PCDHA11: variants seen among roughly 807,000 people sequenced by gnomAD.
PCDHA11 encodes the protein protocadherin alpha-11.
Under a neutral mutation model 70.3 loss-of-function variants are expected in PCDHA11, and 61 were observed. The ratio of observed to expected loss-of-function variants is 0.87; its 90% CI spans 0.71 to 1.07. PCDHA11 has a LOEUF of 1.07. PCDHA11 is among the 50% of genes least tolerant of loss of function. The pLI, the probability that PCDHA11 is intolerant of heterozygous loss-of-function variation, is 0.00. For synonymous variants in PCDHA11, 633 were observed against 555.1 expected, an observed-to-expected ratio of 1.14 and a Z score of -1.97; for missense variants, 1,324 against 1,237.5, an observed-to-expected ratio of 1.07 and a Z score of -1.05.
At chr5:140,872,425 G>A (rs1280008446) in intron 1 of PCDHA11, among the ~76,000 whole-genome samples, 3 of 151,980 alleles carry the variant, frequency 2.0e-5, no homozygotes, top group African/African-American at 7.3e-5. Flanking sequence ...CCAAGAGTTC[G>A]AGGCCTGCCT....
At chr5:141,003,762 G>A (rs1295345972) in intron 3 of PCDHA11, among the ~76,000 whole-genome samples, 1 of 152,146 alleles carries the variant, frequency 6.6e-6, no homozygotes, top group East Asian at 1.9e-4. Flanking sequence ...AATTATGGTC[G>A]TATTCTGTTA....
chr5:141,003,370 G>A (rs192935173), intron 3 of PCDHA11, among the ~76,000 whole-genome samples: 1 of 152,262 alleles, frequency 6.6e-6, no homozygotes, highest in East Asian at 1.9e-4. Context: ...GGAGTGCAGT[G>A]GTGCAATCTC....
In PCDHA11 at chr5:140,871,306, A is replaced by T. The variant is rs782244596; in HGVS notation, c.2203A>T (p.Lys735Ter). The T allele has an allele frequency of 3.7e-6, 6 of 1,613,964 alleles. No homozygotes were observed. In the East Asian group the frequency reaches 1.3e-4, roughly 36 times the overall value. ...CACTGAGGGCGCGTGCGCGCCGGGG[A>T]AGCCCACGCTGGTGTGCTCCCGCGC... ...TPTEGACAPGKPTLVCSRAVG... is the reference protein window; with the variant it reads ...TPTEGACAPG Residue 735 changes from lysine to a stop codon, truncating the protein, a stop_gained, in exon 1 of 4, where the codon AAG becomes TAG. Transcript: ENST00000398640. LOFTEE classifies it high-confidence loss of function.
At chr5:140,967,249 G>A (rs782040791) in intron 1 of PCDHA11, 1 of 1,613,592 alleles carries the variant, frequency 6.2e-7, no homozygotes, top group Non-Finnish European at 8.5e-7. Context: ...GCGAATCGGT[G>A]GCGCCTGGAG....
chr5:140,986,173 C>G (rs1459755039), intron 3 of PCDHA11, among the ~76,000 whole-genome samples: 1 of 152,202 alleles, frequency 6.6e-6, no homozygotes, highest in Non-Finnish European at 1.5e-5. Flanking sequence ...GCAGGATAAA[C>G]AAGTCAGGCA....
intron 3 of PCDHA11, among the ~76,000 whole-genome samples, chr5:141,000,385 C>A (rs868983393): frequency 3.1e-5 from 2 of 64,984 alleles, no homozygotes; most frequent in South Asian, 5.2e-4. Flanking sequence ...CTCTCTCTCT[C>A]TCTCTCTCTC....
chr5:140,883,433 T>G lies in PCDHA11; in HGVS notation c.2391+11939T>G, dbSNP rs201972709. 38 of 1,614,170 alleles carry G rather than the reference T, an allele frequency of 2.4e-5. No individual in the cohort carries two copies. In the East Asian group the frequency reaches 7.8e-4, roughly 33 times the overall value. ...CTCAAATGGACAGGTCACCTGCACC[T>G]TGACGCCGCATGTCCCCTTCAAGCT... On this transcript the variant is annotated intron_variant, in intron 1 of 3. Transcript: ENST00000398640.
intron 1 of PCDHA11, among the ~76,000 whole-genome samples, chr5:140,921,475 A>G (rs1323812887): frequency 6.6e-6 from 1 of 152,074 alleles, no homozygotes; most frequent in Non-Finnish European, 1.5e-5. Context: ...CTACCAAACC[A>G]CTCTACCTGA....
chr5:140,955,922 GTTCA>G (rs1413540621), intron 1 of PCDHA11, among the ~76,000 whole-genome samples: 2 of 152,138 alleles, frequency 1.3e-5, no homozygotes, highest in African/African-American at 4.8e-5. Flanking sequence ...GTGAATGGGA[GTTCA>G]TTCATAATAT....
At position 141,007,395 on chromosome 5, in the gene PCDHA11, C is replaced by CA. The variant is rs35800918; in HGVS notation, c.2540-2209dup. 5.3e-3 allele frequency among the ~76,000 whole-genome samples: 498 copies of CA among 94,810 alleles called. 4 individuals carry two copies. The highest frequency in any genetic ancestry group is 0.049 in the East Asian group (166 of 3,398). 62.2% of individuals were successfully genotyped at this position (94,810 alleles called of 152,430 possible). On this transcript the variant is annotated intron_variant, in intron 3 of 3. Transcript: ENST00000398640. The stretch of plus-strand genomic sequence containing the variant: ...ATGGAACACCATCTCTACTAAAATA[C>CA]AAAAAAAAAAAAAAAAAAAAAAATT...
intron 3 of PCDHA11, among the ~76,000 whole-genome samples, chr5:141,007,033 T>C (rs1357363669): frequency 6.6e-6 from 1 of 152,120 alleles, no homozygotes; most frequent in Non-Finnish European, 1.5e-5. Flanking sequence ...GGTATTTATA[T>C]CTATGGATAT....
At chr5:140,988,942 G>C (rs1236805502) in intron 3 of PCDHA11, 1 of 152,180 alleles carries the variant, frequency 6.6e-6, no homozygotes, top group East Asian at 1.9e-4. Context: ...CTCTTAGGCT[G>C]CAGTTTCCTT....
At chr5:140,982,359 C>T in intron 2 of PCDHA11, 116 bp from the exon 3 acceptor site, 1 of 1,523,712 alleles carries the variant, frequency 6.6e-7, no homozygotes. Context: ...CAAGCATGAG[C>T]AGAATGTGTT....
chr5:140,990,524 G>T (rs782064217), intron 3 of PCDHA11, among the ~76,000 whole-genome samples: 2 of 151,978 alleles, frequency 1.3e-5, no homozygotes, highest in Non-Finnish European at 2.9e-5. Flanking sequence ...TGTCTTTTTT[G>T]ACTGTGCATC....
At chr5:140,966,882 C>A (rs782464160) in intron 1 of PCDHA11, 1 of 1,589,690 alleles carries the variant, frequency 6.3e-7, no homozygotes, top group Non-Finnish European at 8.5e-7. Context: ...CTACCTGGCC[C>A]TGCGGCCTCC....
chr5:140,884,472 G>A (rs1382253304), intron 1 of PCDHA11: 2 of 1,613,830 alleles, frequency 1.2e-6, no homozygotes, highest in Non-Finnish European at 1.7e-6. Flanking sequence ...TGCGCGCCGG[G>A]CAAGCCCACT....
At chr5:140,881,719 C>A (rs914788204) in intron 1 of PCDHA11, among the ~76,000 whole-genome samples, 3 of 152,104 alleles carry the variant, frequency 2.0e-5, no homozygotes, top group African/African-American at 7.2e-5. Context: ...GTGAGGAGGT[C>A]TTGAAAAATA....
chr5:140,976,952 C>T lies in PCDHA11; in HGVS notation c.2392-1997C>T, dbSNP rs183824. 1.8e-3 allele frequency among the ~76,000 whole-genome samples: 271 copies of T among 152,298 alleles called. 1 individual carries two copies. Among genetic ancestry groups the T allele is most frequent in the African/African-American group, 6.2e-3 (258 of 41,574 alleles). The stretch of plus-strand genomic sequence containing the variant: ...GTAGCTACTTAAAACATATTATATG[C>T]TTTCTTCCTTTCCTTTTCCCTGCCT... On this transcript the variant is annotated intron_variant, in intron 1 of 3. Coordinates refer to ENST00000398640, the MANE Select transcript of PCDHA11 (RefSeq NM_018902.5).
intron 3 of PCDHA11, among the ~76,000 whole-genome samples, chr5:140,997,092 A>C (rs2097758868): frequency 6.6e-6 from 1 of 152,160 alleles, no homozygotes; most frequent in South Asian, 2.1e-4. Flanking sequence ...GAAAGTGCAG[A>C]GTTCTCATGC....
Sources: gnomAD v4.1 joint callset for allele counts (sites outside exome capture counted in the v4.1 genomes callset) on GRCh38, gnomAD v4.1.1 for gene constraint, MANE v1.5 for transcripts, NCBI Gene and HGNC (gene_info 2026-07-23, HGNC 2026-07-21) for gene names.